CNTLN: variants seen among roughly 807,000 people sequenced by gnomAD.
CNTLN encodes centlein, also known as centlein, centrosomal protein.
A neutral mutation model predicts 180.0 loss-of-function variants in CNTLN; 212 were observed. The observed-to-expected ratio is 1.18, with a 90% CI of 1.05 to 1.32. The LOEUF is 1.32. CNTLN is among the 40% of genes most tolerant of loss of function. The pLI, the probability that CNTLN is intolerant of heterozygous loss-of-function variation, is 0.00. For missense variants in CNTLN, 2,095 were observed against 1,610.9 expected (o/e 1.30, Z -5.14); for synonymous variants, 722 against 563.1 (o/e 1.28, Z -3.99).
chr9:17,468,036 C>T (rs1016332607), intron 23 of CNTLN, among the ~76,000 whole-genome samples: 3 of 151,744 alleles, frequency 2.0e-5, no homozygotes, highest in South Asian at 4.1e-4. Flanking sequence ...GTAGTACATA[C>T]ACACCATAGG....
At chr9:17,446,809 A>G (rs1244217435) in intron 18 of CNTLN, among the ~76,000 whole-genome samples, 2 of 152,162 alleles carry the variant, frequency 1.3e-5, no homozygotes. Flanking sequence ...AAGAAGTAAT[A>G]CTATTGTAAT....
chr9:17,479,267 C>T, intron 23 of CNTLN, among the ~76,000 whole-genome samples: 1 of 152,170 alleles, frequency 6.6e-6, no homozygotes, highest in East Asian at 1.9e-4. Flanking sequence ...GGACTAGTCA[C>T]AACAGCCAAG....
chr9:17,266,145 G>A (rs1010174652), intron 5 of CNTLN, among the ~76,000 whole-genome samples: 38 of 105,348 alleles, frequency 3.6e-4, no homozygotes, highest in Admixed American at 3.0e-3. Flanking sequence ...TGTCAGTTTT[G>A]GATCTTCCTG....
chr9:17,296,048 G>A (rs528639859), intron 6 of CNTLN, among the ~76,000 whole-genome samples: 32 of 150,408 alleles, frequency 2.1e-4, no homozygotes, highest in African/African-American at 7.1e-4. Context: ...GTTAGATGGA[G>A]TCTGGCTCTG....
chr9:17,158,180 A>G (rs1391027651), intron 2 of CNTLN, among the ~76,000 whole-genome samples: 1 of 152,116 alleles, frequency 6.6e-6, no homozygotes, highest in East Asian at 1.9e-4. Context: ...TTTGTATTCT[A>G]TTGATGTGAT....
intron 2 of CNTLN, among the ~76,000 whole-genome samples, chr9:17,185,894 G>T (rs1056650432): frequency 1.3e-5 from 2 of 151,870 alleles, no homozygotes; most frequent in African/African-American, 4.8e-5. Flanking sequence ...CTGGGCTCAA[G>T]TGATTCTCCC....
At chr9:17,422,055 A>G (rs1374282068) in intron 18 of CNTLN, among the ~76,000 whole-genome samples, 1 of 152,078 alleles carries the variant, frequency 6.6e-6, no homozygotes, top group Non-Finnish European at 1.5e-5. Context: ...AACTCCCTTT[A>G]GCATTTCTTG....
chr9:17,229,738 G>A (rs551389780), intron 3 of CNTLN, among the ~76,000 whole-genome samples: 2 of 152,158 alleles, frequency 1.3e-5, no homozygotes, highest in Admixed American at 6.5e-5. Flanking sequence ...AGATAAGAAC[G>A]TGTGTACCAT....
chr9:17,237,559 C>T (rs538002546), intron 5 of CNTLN, among the ~76,000 whole-genome samples: 2 of 151,800 alleles, frequency 1.3e-5, no homozygotes, highest in South Asian at 4.2e-4. Flanking sequence ...CAACTGTTTA[C>T]ATTGTATTCA....
At position 17,364,216 on chromosome 9, in the gene CNTLN, C is replaced by T. The variant is rs57427320; in HGVS notation, c.1887-2401C>T. Among the ~76,000 whole-genome samples, 1,345 of 152,168 alleles carry T rather than the reference C, an allele frequency of 8.8e-3. 23 individuals are homozygous for T. Among genetic ancestry groups the T allele is most frequent in the African/African-American group, 0.03 (1,262 of 41,542 alleles). Reference sequence around the variant, plus strand: ...CTGTTATCTCCCATCTGTACTCCTGCCTTCAGTCTTTCAATTCTCTCCTTG... The same window carrying T: ...CTGTTATCTCCCATCTGTACTCCTGTCTTCAGTCTTTCAATTCTCTCCTTG... On this transcript the variant is annotated intron_variant, in intron 12 of 25. Transcript: ENST00000380647.
chr9:17,453,780 G>A (rs935357085), intron 18 of CNTLN, among the ~76,000 whole-genome samples: 1 of 152,198 alleles, frequency 6.6e-6, no homozygotes, highest in African/African-American at 2.4e-5. Flanking sequence ...AACTCATTGA[G>A]GCCTCCCTTA....
chr9:17,298,884 G>T (rs1818142136), intron 7 of CNTLN: 2 of 985,236 alleles, frequency 2.0e-6, no homozygotes, highest in Non-Finnish European at 2.4e-6. Flanking sequence ...TTTCAAGAAG[G>T]TTTACCCAAG....
intron 2 of CNTLN, among the ~76,000 whole-genome samples, chr9:17,164,362 C>T (rs1369538007): frequency 1.2e-5 from 1 of 83,896 alleles, no homozygotes; most frequent in African/African-American, 4.0e-5. Flanking sequence ...TTCATTCTTT[C>T]AAAAAAAAAA....
At chr9:17,340,478 G>C (rs147833018) in intron 10 of CNTLN, among the ~76,000 whole-genome samples, 1 of 152,114 alleles carries the variant, frequency 6.6e-6, no homozygotes, top group Non-Finnish European at 1.5e-5. Context: ...CATGGTTTAT[G>C]TATAGATAAA....
At chr9:17,302,703 A>G (rs1818458828) in intron 7 of CNTLN, among the ~76,000 whole-genome samples, 1 of 152,166 alleles carries the variant, frequency 6.6e-6, no homozygotes, top group Non-Finnish European at 1.5e-5. Context: ...TTAAAACTTT[A>G]TGGCGATGTT....
At chr9:17,457,329 A>G (rs949969620) in intron 18 of CNTLN, among the ~76,000 whole-genome samples, 195 bp from the exon 19 acceptor site, 1 of 151,998 alleles carries the variant, frequency 6.6e-6, no homozygotes, top group Non-Finnish European at 1.5e-5. Context: ...ACTTTGTTTT[A>G]CCTTTGCAAG....
chr9:17,330,396 T>C (rs1271161702), intron 8 of CNTLN, among the ~76,000 whole-genome samples: 1 of 152,076 alleles, frequency 6.6e-6, no homozygotes, highest in Non-Finnish European at 1.5e-5. Flanking sequence ...CCTTGAAATC[T>C]ATATGACAGC....
chr9:17,419,474 G>A (rs901385283), intron 18 of CNTLN, among the ~76,000 whole-genome samples: 1 of 151,996 alleles, frequency 6.6e-6, no homozygotes, highest in Non-Finnish European at 1.5e-5. Context: ...CTTTTAATAT[G>A]AGGAAAATGT....
At position 17,502,524 on chromosome 9, in the gene CNTLN, A is replaced by G. The variant is rs1353464905; in HGVS notation, c.4120-27A>G. On this transcript the variant is annotated intron_variant, in intron 25 of 25. Transcript: ENST00000380647. ...GAACTGAAGAAAATATAGAGTTTTA[A>G]TAATCTTTTTTGTGTTTCTTTTACA... 7 of 1,061,998 alleles carry G rather than the reference A, an allele frequency of 6.6e-6. No individual in the cohort carries two copies. The South Asian group carries it at 9.1e-5, about 14-fold the overall frequency. The allele number at this position is 1,061,998 out of a possible 1,614,324, so 65.8% of individuals were successfully genotyped here.
Sources: allele counts gnomAD v4.1 joint callset (sites outside exome capture counted in the v4.1 genomes callset), GRCh38; gene constraint gnomAD v4.1.1; transcripts MANE v1.5; gene names NCBI Gene and HGNC (gene_info 2026-07-23, HGNC 2026-07-21).